ANK2: variants seen among roughly 807,000 people sequenced by gnomAD.
The protein encoded by ANK2 is ankyrin-2.
A neutral mutation model predicts 360.5 loss-of-function variants in ANK2; 83 were observed. The observed-to-expected ratio is 0.23, with a 90% CI of 0.19 to 0.28. The LOEUF (loss-of-function observed/expected upper bound fraction) is 0.28. Among genes scored for constraint, ANK2 ranks in the 10% least tolerant of loss-of-function variants. ANK2 has a pLI of 1.00. For synonymous variants in ANK2, 1,740 were observed against 1,759.5 expected, an observed-to-expected ratio of 0.99 and a Z score of 0.28; for missense variants, 4,201 against 4,795.7, an observed-to-expected ratio of 0.88 and a Z score of 3.66.
chr4:112,746,631 C>T, the ANK2 span, among the ~76,000 whole-genome samples: 5 of 152,144 alleles, frequency 3.3e-5, no homozygotes, highest in South Asian at 2.1e-4. Flanking sequence ...ATGATGTGCT[C>T]CTTAGCTTAT....
intron 23 of ANK2, among the ~76,000 whole-genome samples, chr4:113,304,302 G>A (rs777096936): frequency 2.0e-5 from 3 of 152,274 alleles, no homozygotes; most frequent in Non-Finnish European, 2.9e-5. Flanking sequence ...TATTTTTGGA[G>A]TGAAAGCTTT....
At chr4:112,892,340 C>A (rs534889034) in intron 1 of ANK2, among the ~76,000 whole-genome samples, 3 of 152,290 alleles carry the variant, frequency 2.0e-5, no homozygotes, top group African/African-American at 7.2e-5. Context: ...TTGGGTAAGT[C>A]CCCTGGGCAA....
intron 1 of ANK2, among the ~76,000 whole-genome samples, chr4:113,134,803 G>A (rs773683484): frequency 2.0e-5 from 3 of 151,988 alleles, no homozygotes; most frequent in Non-Finnish European, 4.4e-5. Flanking sequence ...TATGACCTTT[G>A]TATTTAGTAA....
chr4:113,261,622 C>G (rs2052968465), intron 13 of ANK2, among the ~76,000 whole-genome samples: 1 of 152,026 alleles, frequency 6.6e-6, no homozygotes, highest in African/African-American at 2.4e-5. Flanking sequence ...GGGCAACTTA[C>G]AGTAGAAGTC....
chr4:113,039,647 A>G (rs1217722425), intron 2 of ANK2, among the ~76,000 whole-genome samples: 2 of 152,034 alleles, frequency 1.3e-5, no homozygotes, highest in Non-Finnish European at 2.9e-5. Flanking sequence ...GAATATATTA[A>G]CACTGAATTA....
intron 31 of ANK2, among the ~76,000 whole-genome samples, chr4:113,338,292 A>G (rs893819516): frequency 6.6e-6 from 1 of 152,066 alleles, no homozygotes; most frequent in African/African-American, 2.4e-5. Flanking sequence ...GTCCTTATCT[A>G]TGTGATCTTA....
chr4:113,202,740 A>T (rs764763139), intron 4 of ANK2, among the ~76,000 whole-genome samples: 3 of 152,238 alleles, frequency 2.0e-5, no homozygotes, highest in Non-Finnish European at 2.9e-5. Context: ...CATATAAAGT[A>T]TGAGATTCAT....
At chr4:112,816,193 GAA>G (rs1459980359), upstream of ANK2, among the ~76,000 whole-genome samples, 1 of 152,222 alleles carries the variant, frequency 6.6e-6, no homozygotes, top group Non-Finnish European at 1.5e-5. Flanking sequence ...GGTGTCTGCA[GAA>G]AATTGGGAAA....
chr4:113,363,295 C>T, intron 39 of ANK2, 43 bp from the exon 40 acceptor site: 1 of 1,601,794 alleles, frequency 6.2e-7, no homozygotes, highest in Non-Finnish European at 8.5e-7. Context: ...GAGACTGAAA[C>T]CTTGAAGTTA....
At chr4:113,211,928 T>C (rs1027917581) in intron 4 of ANK2, among the ~76,000 whole-genome samples, 2 of 152,210 alleles carry the variant, frequency 1.3e-5, no homozygotes, top group African/African-American at 4.8e-5. Flanking sequence ...TACAGTTAAA[T>C]TCTCTTTATG....
chr4:113,324,522 T>G (rs1359380372), intron 26 of ANK2, among the ~76,000 whole-genome samples: 1 of 152,230 alleles, frequency 6.6e-6, no homozygotes, highest in Non-Finnish European at 1.5e-5. Flanking sequence ...ATATACATCC[T>G]TATACTTTTT....
chr4:112,924,870 G>A (rs1317794389), intron 2 of ANK2, among the ~76,000 whole-genome samples: 2 of 129,254 alleles, frequency 1.5e-5, no homozygotes, highest in Non-Finnish European at 3.1e-5. Flanking sequence ...ACACAGTCTC[G>A]CTCTGTCGCC....
chr4:113,266,583 G>A (rs2056146124), intron 14 of ANK2, among the ~76,000 whole-genome samples: 2 of 152,164 alleles, frequency 1.3e-5, no homozygotes, highest in South Asian at 2.1e-4. Flanking sequence ...CAGTGTAAAA[G>A]TGTTCCTATC....
the ANK2 span, among the ~76,000 whole-genome samples, chr4:112,750,911 A>T: frequency 6.6e-6 from 1 of 152,066 alleles, no homozygotes; most frequent in African/African-American, 2.4e-5. Context: ...TATTTTTAGT[A>T]AAGATGGGTC....
chr4:112,800,050 T>C, the ANK2 span, among the ~76,000 whole-genome samples: 1 of 152,172 alleles, frequency 6.6e-6, no homozygotes, highest in Non-Finnish European at 1.5e-5. Flanking sequence ...CACAGCTTAT[T>C]CATCCATCCA....
intron 2 of ANK2, among the ~76,000 whole-genome samples, chr4:112,924,686 A>T (rs917834669): frequency 1.3e-5 from 2 of 152,026 alleles, no homozygotes; most frequent in African/African-American, 2.4e-5. Context: ...GGATGTAAAA[A>T]AGTATATCTA....
the ANK2 span, among the ~76,000 whole-genome samples, chr4:112,736,340 A>G: frequency 6.6e-6 from 1 of 151,778 alleles, no homozygotes; most frequent in Non-Finnish European, 1.5e-5. Context: ...GCCTGCGCCT[A>G]TATAGTCGCA....
At position 113,255,721 on chromosome 4, in the gene ANK2, C is replaced by A; in HGVS notation, c.991-14C>A. On this transcript the variant is annotated splice_polypyrimidine_tract_variant and intron_variant, in intron 10 of 45. Coordinates refer to ENST00000357077, the MANE Select transcript of ANK2 (RefSeq NM_001148.6). ...AAAAAAAAGGACATTATTTTGTTTT[C>A]TTTTAATGTGCAGAATGGGCTGTCT... 6.2e-7 allele frequency: 1 copy of A among 1,612,084 alleles called. No homozygotes were observed. Among genetic ancestry groups the A allele is most frequent in the Non-Finnish European group, 8.5e-7 (1 of 1,178,834 alleles).
rs913737062 is a variant in ANK2 at position 113,349,749 on chromosome 4, A to T, written c.4405-479A>T. Among the ~76,000 whole-genome samples the T allele has an allele frequency of 4.6e-5, 7 of 152,218 alleles. No homozygotes were observed. The South Asian group carries it at 1.5e-3, about 32-fold the overall frequency. ...ATTTTCCTACTGAATACTTTCTGGA[A>T]CTATTTAGGGCAATAGATCCAGTTC... is the stretch of plus-strand genomic sequence containing the variant. On this transcript the variant is annotated intron_variant, in intron 36 of 45. Coordinates refer to ENST00000357077, the MANE Select transcript of ANK2 (RefSeq NM_001148.6).
Sources: allele counts gnomAD v4.1 joint callset (sites outside exome capture counted in the v4.1 genomes callset), GRCh38; gene constraint gnomAD v4.1.1; transcripts MANE v1.5; gene names NCBI Gene and HGNC (gene_info 2026-07-23, HGNC 2026-07-21).